The following RBFOX1 variants were observed in gnomAD, a reference collection of about 807,000 sequenced individuals.
The protein encoded by RBFOX1 is RNA binding protein fox-1 homolog 1.
In RBFOX1, 8 loss-of-function variants were observed where a neutral mutation model predicts 57.7. The observed-to-expected ratio is 0.14, with a 90% CI of 0.08 to 0.25. RBFOX1 has a LOEUF of 0.25. Ranked by LOEUF, RBFOX1 falls within the 10% of genes least tolerant of loss-of-function variation. The pLI is 1.00. For missense variants in RBFOX1, 611 were observed against 548.5 expected, an observed-to-expected ratio of 1.11 and a Z score of -1.14; for synonymous variants, 326 against 222.4, an observed-to-expected ratio of 1.47 and a Z score of -4.15.
intron 3 of RBFOX1, among the ~76,000 whole-genome samples, chr16:7,018,487 T>C (rs895632649): frequency 6.6e-6 from 1 of 152,186 alleles, no homozygotes; most frequent in Non-Finnish European, 1.5e-5. Flanking sequence ...TTGATGGACA[T>C]TTGGATTGGT....
rs547904505 is a variant in RBFOX1, at chr16:5,795,218, C to T, written c.319-72085C>T. 1.1e-4 allele frequency among the ~76,000 whole-genome samples: 16 copies of T among 152,256 alleles called. No homozygotes were observed. The South Asian group carries it at 2.9e-3, about 28-fold the overall frequency. On this transcript the variant is annotated intron_variant, in intron 3 of 19. Coordinates refer to the RBFOX1 transcript ENST00000641259. ...GATTCTACGTCAGTTTCATATCCCC[C>T]CTCTCCCTATTACTATGCCCAGTGA... is the stretch of plus-strand genomic sequence containing the variant.
At chr16:5,678,238 G>A (rs1157536512) in intron 3 of RBFOX1, among the ~76,000 whole-genome samples, 1 of 152,122 alleles carries the variant, frequency 6.6e-6, no homozygotes, top group African/African-American at 2.4e-5. Context: ...TGTTCTGAAG[G>A]AGCACCAGCC....
At chr16:5,463,230 G>A (rs966171112) in intron 1 of RBFOX1, among the ~76,000 whole-genome samples, 6 of 151,994 alleles carry the variant, frequency 3.9e-5, no homozygotes, top group African/African-American at 9.7e-5. Flanking sequence ...AACATAATAC[G>A]GATTTTGTTT....
chr16:5,733,437 C>G (rs1350079848), intron 3 of RBFOX1, among the ~76,000 whole-genome samples: 1 of 152,178 alleles, frequency 6.6e-6, no homozygotes, highest in Non-Finnish European at 1.5e-5. Flanking sequence ...AAGTGGCGCT[C>G]TTGTCTCTGG....
At chr16:5,718,067 T>C (rs1260598057) in intron 3 of RBFOX1, among the ~76,000 whole-genome samples, 1 of 152,238 alleles carries the variant, frequency 6.6e-6, no homozygotes, top group East Asian at 1.9e-4. Flanking sequence ...TGACTTGCTC[T>C]GGACAATAGG....
intron 3 of RBFOX1, among the ~76,000 whole-genome samples, chr16:5,657,745 T>TTG (rs2049497328): frequency 6.9e-6 from 1 of 144,106 alleles, no homozygotes; most frequent in East Asian, 2.0e-4. Flanking sequence ...TTCTTTTTTT[T>TTG]TTTTTGAGAC....
At chr16:6,295,114 T>G (rs1289742562) in intron 1 of RBFOX1, among the ~76,000 whole-genome samples, 2 of 148,356 alleles carry the variant, frequency 1.3e-5, no homozygotes, top group Non-Finnish European at 1.5e-5. Flanking sequence ...TTTTTTTTTT[T>G]TTTTTTTTTT....
chr16:5,949,132 G>T (rs969590208), intron 4 of RBFOX1, among the ~76,000 whole-genome samples: 1 of 152,010 alleles, frequency 6.6e-6, no homozygotes, highest in Admixed American at 6.6e-5. Flanking sequence ...AAGAGCAAGG[G>T]TATTCTCCCA....
chr16:6,176,486 GC>G (rs1319117192), intron 1 of RBFOX1, among the ~76,000 whole-genome samples: 1 of 150,394 alleles, frequency 6.6e-6, no homozygotes, highest in African/African-American at 2.5e-5. Context: ...AGTTAAAGTT[GC>G]TGTGCCTCCT....
intron 2 of RBFOX1, among the ~76,000 whole-genome samples, chr16:6,587,523 C>G (rs2097646939): frequency 6.6e-6 from 1 of 152,122 alleles, no homozygotes; most frequent in Non-Finnish European, 1.5e-5. Context: ...CTAAAGTGAT[C>G]CACCTGCCTC....
At chr16:6,306,907 T>C (rs928805431) in intron 1 of RBFOX1, among the ~76,000 whole-genome samples, 1 of 152,126 alleles carries the variant, frequency 6.6e-6, no homozygotes, top group African/African-American at 2.4e-5. Flanking sequence ...CATGATGGGA[T>C]TGGTAAAGGA....
At chr16:6,513,748 C>T (rs1055608417) in intron 2 of RBFOX1, among the ~76,000 whole-genome samples, 2 of 149,834 alleles carry the variant, frequency 1.3e-5, no homozygotes, top group Admixed American at 6.7e-5. Flanking sequence ...AACAAACAAA[C>T]AAACAAAAAA....
At chr16:7,200,552 G>A (rs2088091159) in intron 4 of RBFOX1, among the ~76,000 whole-genome samples, 1 of 152,164 alleles carries the variant, frequency 6.6e-6, no homozygotes, top group South Asian at 2.1e-4. Flanking sequence ...CATATTTTCT[G>A]CTCGAGGAAA....
intron 4 of RBFOX1, among the ~76,000 whole-genome samples, chr16:7,272,195 T>G (rs895782455): frequency 6.6e-6 from 1 of 152,170 alleles, no homozygotes. Context: ...CCTATTTTAT[T>G]TTTTTTGAGA....
At chr16:6,937,429 G>T (rs537740684) in intron 3 of RBFOX1, among the ~76,000 whole-genome samples, 1 of 152,036 alleles carries the variant, frequency 6.6e-6, no homozygotes, top group Non-Finnish European at 1.5e-5. Flanking sequence ...CTATGTGTTG[G>T]CCATTCAGAT....
chr16:5,319,911 G>A (rs2064355296), intron 1 of RBFOX1, among the ~76,000 whole-genome samples: 1 of 152,198 alleles, frequency 6.6e-6, no homozygotes. Flanking sequence ...GAAGGAGAGA[G>A]TGCAGAAGGT....
At chr16:6,703,480 G>C (rs2062177384) in intron 3 of RBFOX1, among the ~76,000 whole-genome samples, 1 of 149,276 alleles carries the variant, frequency 6.7e-6, no homozygotes, top group African/African-American at 2.5e-5. Context: ...GGGAGGCTGA[G>C]ATGGGAGGAT....
chr16:6,248,630 A>C (rs1480275494), intron 1 of RBFOX1, among the ~76,000 whole-genome samples: 7 of 152,082 alleles, frequency 4.6e-5, no homozygotes. Flanking sequence ...TTCACATTTT[A>C]ATACACTTTG....
At chr16:6,899,229 G>A (rs949759364) in intron 3 of RBFOX1, among the ~76,000 whole-genome samples, 1 of 151,954 alleles carries the variant, frequency 6.6e-6, no homozygotes, top group African/African-American at 2.4e-5. Context: ...ATGTGTGGAT[G>A]CGTGTCCATG....
Sources: gnomAD v4.1 joint callset for allele counts (sites outside exome capture counted in the v4.1 genomes callset) on GRCh38, gnomAD v4.1.1 for gene constraint, MANE v1.5 for transcripts, NCBI Gene and HGNC (gene_info 2026-07-23, HGNC 2026-07-21) for gene names.